RHOT1: variants seen among roughly 807,000 people sequenced by gnomAD.
RHOT1 encodes ras homolog family member T1.
In RHOT1, 27 loss-of-function variants were observed where a neutral mutation model predicts 95.3. The ratio of observed to expected loss-of-function variants is 0.28; its 90% confidence interval spans 0.21 to 0.39. The LOEUF (loss-of-function observed/expected upper bound fraction) is 0.39, where lower values mean the gene tolerates loss of function less well. Ranked by LOEUF, RHOT1 falls within the 10% of genes least tolerant of loss-of-function variation. The probability of loss-of-function intolerance (pLI) is 1.00; values close to 1 mark genes in which losing one functional copy is unlikely to be tolerated. For synonymous variants in RHOT1, 227 were observed against 263.5 expected (o/e 0.86, Z 1.34); for missense variants, 578 against 786.7 (o/e 0.73, Z 3.17).
chr17:32,164,692 T>C (rs2033884203), intron 1 of RHOT1, among the ~76,000 whole-genome samples: 5 of 149,016 alleles, frequency 3.4e-5, no homozygotes, highest in Admixed American at 2.7e-4. Flanking sequence ...AGTGAAACCC[T>C]GTCTCTACTA....
Position 32,219,386 on chromosome 17 carries a change from C to T in RHOT1, c.1863-5230C>T, listed in dbSNP as rs12019080. ...TAAGCAGCCCTCCAACTTCAGCCCCCCAAAGATCTGGGATTACAGTGTGAG... is the reference window on the plus strand; with the variant it reads ...TAAGCAGCCCTCCAACTTCAGCCCCTCAAAGATCTGGGATTACAGTGTGAG... On this transcript the variant is annotated intron_variant, in intron 19 of 19. Transcript: ENST00000545287. Among the ~76,000 whole-genome samples the T allele has an allele frequency of 3.0e-3, 461 of 152,236 alleles. 2 individuals carry two copies. Among genetic ancestry groups the T allele is most frequent in the African/African-American group, 0.011 (447 of 41,532 alleles).
In RHOT1 at chr17:32,198,071, T is replaced by A. The variant is rs542110239; in HGVS notation, c.870-876T>A. Among the ~76,000 whole-genome samples, 8 of 152,162 alleles carry A rather than the reference T, an allele frequency of 5.3e-5. No homozygotes were observed. The South Asian group carries it at 6.2e-4, about 12-fold the overall frequency. On this transcript the variant is annotated intron_variant, in intron 11 of 19. Transcript: ENST00000545287. ...CACCATGCCTAGTTAATTTGTAAAA[T>A]TTTTTGTAGAGATGGAGTTCACTTT...
intron 1 of RHOT1, among the ~76,000 whole-genome samples, chr17:32,151,881 CAAAA>C (rs60313146): frequency 1.6e-5 from 1 of 60,810 alleles, no homozygotes; most frequent in Admixed American, 1.8e-4. Context: ...GACTCCGTCT[CAAAA>C]AAAAAAAAAA....
At chr17:32,143,088 G>A (rs1258904206) in intron 1 of RHOT1, 1 of 614,378 alleles carries the variant, frequency 1.6e-6, no homozygotes, top group Non-Finnish European at 3.1e-6. Context: ...GGGCCTCACA[G>A]TTTCCCAGGC....
chr17:32,208,224 C>A lies in RHOT1; in HGVS notation c.1654C>A (p.Pro552Thr). Residue 552 changes from proline to threonine, a missense_variant, in exon 18 of 20, where the codon CCT (proline) becomes ACT (threonine). Pro to Thr is a conservative substitution (Grantham distance 38). Transcript: ENST00000545287. ...PTDFCRKHKM[P>T]PPQAFTCNTA... is the part of the protein sequence containing the mutation. ...TGATTTCTGCAGGAAACACAAAATG[C>A]CTCCACCACAAGCCTTCACTTGCAA... 1 of 1,614,040 alleles carries A rather than the reference C, an allele frequency of 6.2e-7. No homozygotes were observed. Among genetic ancestry groups the A allele is most frequent in the Non-Finnish European group, 8.5e-7 (1 of 1,179,938 alleles).
chr17:32,172,002 T>C (rs2034614809), intron 2 of RHOT1, among the ~76,000 whole-genome samples: 1 of 152,216 alleles, frequency 6.6e-6, no homozygotes, highest in Non-Finnish European at 1.5e-5. Flanking sequence ...AGTTAGCATA[T>C]AGTTATAGGG....
intron 7 of RHOT1, 138 bp from the exon 8 acceptor site, chr17:32,183,033 A>G (rs2035763264): frequency 4.0e-6 from 3 of 756,004 alleles, no homozygotes; most frequent in Non-Finnish European, 6.3e-6. Context: ...CTCTTTCTAG[A>G]CATTCATGTT....
Position 32,142,679 on chromosome 17 carries a change from C to G in RHOT1, c.-14C>G. On this transcript the variant is annotated 5_prime_UTR_variant, in exon 1 of 20. Coordinates refer to ENST00000545287, the MANE Select transcript of RHOT1 (RefSeq NM_001033566.3). ...GTGCGTGCGGGCGGAGGCCGGCCCC[C>G]GAGAGCCGCCGACATGAAGAAAGAC... 2.0e-6 allele frequency: 3 copies of G among 1,529,120 alleles called. No homozygotes were observed. The highest frequency in any genetic ancestry group is 2.3e-4 in the Middle Eastern group (1 of 4,318). The allele number at this position is 1,529,120 out of a possible 1,614,324, so 94.7% of individuals were successfully genotyped here. A position where few individuals can be genotyped will look rare whatever the true frequency, so the allele number is the denominator to read the frequency against.
chr17:32,195,301 A>G (rs1254407614), intron 11 of RHOT1, among the ~76,000 whole-genome samples: 1 of 152,018 alleles, frequency 6.6e-6, no homozygotes, highest in African/African-American at 2.4e-5. Context: ...CTTTGTAGAA[A>G]AGCGGTCTCA....
intron 16 of RHOT1, among the ~76,000 whole-genome samples, chr17:32,204,509 C>T (rs1310935841): frequency 3.4e-5 from 5 of 145,390 alleles, no homozygotes; most frequent in Non-Finnish European, 7.5e-5. Context: ...AAGATAATGC[C>T]TGCCTGGGCA....
Position 32,203,912 on chromosome 17 carries a change from A to T in RHOT1, c.1355A>T (p.Asp452Val). 2 of 1,613,098 alleles carry T rather than the reference A, an allele frequency of 1.2e-6. No homozygotes were observed. The highest frequency in any genetic ancestry group is 2.2e-5 in the South Asian group (2 of 90,906). ...NLMRQKKIRE[D>V]HKSYYAINTV... ...CAGAGGCAGAAGAAAATTCGTGAAG[A>T]TCATAAATCCTACTATGCGATTAAC... The change falls in exon 16 of 20, where the codon GAT (aspartate) becomes GTT (valine). Residue 452 changes from aspartate (D) to valine (V), a missense_variant. By Grantham distance (152) the Asp-to-Val change is radical. Coordinates refer to ENST00000545287, the MANE Select transcript of RHOT1 (RefSeq NM_001033566.3).
At chr17:32,220,062 C>CT (rs994109014) in intron 19 of RHOT1, among the ~76,000 whole-genome samples, 3 of 151,984 alleles carry the variant, frequency 2.0e-5, no homozygotes, top group East Asian at 3.8e-4. Context: ...GAAAGATAGT[C>CT]TTTTTTTTGT....
intron 19 of RHOT1, chr17:32,221,174 C>T (rs1013160387): frequency 1.4e-5 from 4 of 284,256 alleles, no homozygotes; most frequent in African/African-American, 2.3e-5. Flanking sequence ...TCGAGACCAT[C>T]GTGGCCAACA....
chr17:32,222,987 A>G (rs2038923794), intron 19 of RHOT1: 1 of 553,748 alleles, frequency 1.8e-6, no homozygotes, highest in Non-Finnish European at 2.3e-6. Context: ...TTTTTTTAAT[A>G]AAATGCTGCC....
intron 19 of RHOT1, 198 bp downstream of exon 19, chr17:32,211,436 A>G: frequency 2.6e-6 from 1 of 387,822 alleles, no homozygotes. Flanking sequence ...TAATAGGTAT[A>G]TTTAGAGGAC....
At chr17:32,166,386 T>A (rs1301260449) in intron 1 of RHOT1, among the ~76,000 whole-genome samples, 1 of 152,124 alleles carries the variant, frequency 6.6e-6, no homozygotes, top group Non-Finnish European at 1.5e-5. Context: ...GCTGACTGAT[T>A]AGGGTGGTGA....
At position 32,186,083 on chromosome 17, in the gene RHOT1, A is replaced by G. The variant is rs186974020; in HGVS notation, c.540+2811A>G. On this transcript the variant is annotated intron_variant, in intron 8 of 19. Coordinates refer to ENST00000545287, the MANE Select transcript of RHOT1 (RefSeq NM_001033566.3). ...TTGCTGAGTCACATGGTAATTGTATATTTGACATACGGAGGAACCAGCAGC... is the reference window on the plus strand; with the variant it reads ...TTGCTGAGTCACATGGTAATTGTATGTTTGACATACGGAGGAACCAGCAGC... 5.3e-5 allele frequency among the ~76,000 whole-genome samples: 8 copies of G among 152,246 alleles called. No individual in the cohort carries two copies. In the East Asian group the frequency reaches 1.5e-3, roughly 29 times the overall value.
chr17:32,217,744 A>G (rs1429848240), intron 19 of RHOT1, among the ~76,000 whole-genome samples: 3 of 148,804 alleles, frequency 2.0e-5, no homozygotes, highest in African/African-American at 7.4e-5. Flanking sequence ...ACAGACCAAG[A>G]CTCCATCTCA....
chr17:32,150,483 TG>T lies in RHOT1; in HGVS notation c.37+7755del, dbSNP rs2032152513. The T allele has an allele frequency of 5.5e-6, 6 of 1,088,796 alleles. No homozygotes were observed. In the South Asian group the frequency reaches 9.3e-5, roughly 17 times the overall value. 67.4% of individuals were successfully genotyped at this position (1,088,796 alleles called of 1,614,324 possible). On this transcript the variant is annotated intron_variant, in intron 1 of 19. Transcript: ENST00000545287. ...AGGTTTTCTGGAATTCCAGGCTGTC[TG>T]TTAGACTGTAGTCTTTAAAGCCTTG...
Sources: allele counts gnomAD v4.1 joint callset (sites outside exome capture counted in the v4.1 genomes callset), GRCh38; gene constraint gnomAD v4.1.1; transcripts MANE v1.5; gene names NCBI Gene and HGNC (gene_info 2026-07-23, HGNC 2026-07-21).